Variants in PLD1 observed in about 807,000 individuals in gnomAD.
The protein encoded by PLD1 is phospholipase D1.
A neutral mutation model predicts 137.1 loss-of-function variants in PLD1; 112 were observed. The observed-to-expected ratio is 0.82, with a 90% CI of 0.70 to 0.96. The LOEUF is 0.96. Ranked by LOEUF, PLD1 falls within the 40% of genes least tolerant of loss-of-function variation. The probability of loss-of-function intolerance (pLI) is 0.00; values close to 1 mark genes in which losing one functional copy is unlikely to be tolerated. For synonymous variants in PLD1, 431 were observed against 454.7 expected, an observed-to-expected ratio of 0.95 and a Z score of 0.66; for missense variants, 1,321 against 1,342.0, an observed-to-expected ratio of 0.98 and a Z score of 0.24.
intron 18 of PLD1, among the ~76,000 whole-genome samples, chr3:171,676,278 C>T (rs1365113681): frequency 6.6e-6 from 1 of 152,178 alleles, no homozygotes; most frequent in Non-Finnish European, 1.5e-5. Flanking sequence ...AGAACCAGCT[C>T]TCAGAATCCT....
chr3:171,640,957 T>C (rs959602742), intron 23 of PLD1, among the ~76,000 whole-genome samples: 4 of 152,218 alleles, frequency 2.6e-5, no homozygotes, highest in Non-Finnish European at 5.9e-5. Flanking sequence ...ACCAGGTTTT[T>C]TAAAAAGTCT....
intron 21 of PLD1, among the ~76,000 whole-genome samples, chr3:171,646,515 G>A (rs3774041): frequency 0.51 from 77,139 of 151,800 alleles, 20,616 homozygotes; most frequent in African/African-American, 0.68. Flanking sequence ...CAAGGATCTT[G>A]AGTAGGTTGT....
chr3:171,664,125 T>C (rs1465671191), intron 19 of PLD1, among the ~76,000 whole-genome samples: 1 of 152,150 alleles, frequency 6.6e-6, no homozygotes, highest in East Asian at 1.9e-4. Flanking sequence ...TTTCAAAATT[T>C]AATTGTCAAC....
At chr3:171,603,363 T>C in intron 26 of PLD1, 61 bp from the exon 27 acceptor site, 1 of 1,121,182 alleles carries the variant, frequency 8.9e-7, no homozygotes, top group South Asian at 1.3e-5. Context: ...ATGGCCTTTA[T>C]GGAAAATAAT....
chr3:171,604,373 C>T (rs971680394), intron 26 of PLD1, among the ~76,000 whole-genome samples: 5 of 148,394 alleles, frequency 3.4e-5, no homozygotes, highest in African/African-American at 9.9e-5. Context: ...AGACAGTAGA[C>T]ATGTTTCATT....
intron 23 of PLD1, among the ~76,000 whole-genome samples, chr3:171,628,317 G>C (rs1022362625): frequency 6.6e-6 from 1 of 152,202 alleles, no homozygotes; most frequent in Non-Finnish European, 1.5e-5. Flanking sequence ...CCAGGAAGAA[G>C]TTGAATCTCT....
chr3:171,767,484 A>G (rs1011595318), intron 1 of PLD1, among the ~76,000 whole-genome samples: 51 of 152,362 alleles, frequency 3.3e-4, no homozygotes, highest in African/African-American at 1.2e-3. Context: ...TTGTTTCTCA[A>G]TAATAAGTAC....
intron 21 of PLD1, among the ~76,000 whole-genome samples, chr3:171,650,651 C>T (rs1736654088): frequency 6.6e-6 from 1 of 152,180 alleles, no homozygotes; most frequent in Admixed American, 6.5e-5. Context: ...ACTAAAACCC[C>T]TCCTATTGTG....
chr3:171,765,361 A>G (rs1236701409), intron 1 of PLD1: 5 of 152,218 alleles, frequency 3.3e-5, no homozygotes, highest in African/African-American at 9.6e-5. Context: ...AAATGTTCCA[A>G]CAACAATGAT....
intron 18 of PLD1, 149 bp downstream of exon 18, chr3:171,676,566 C>T (rs1031042870): frequency 4.5e-6 from 3 of 672,472 alleles, no homozygotes; most frequent in Non-Finnish European, 8.0e-6. Flanking sequence ...GATGCCCAGG[C>T]ACCCGGACAT....
At chr3:171,746,593 A>G (rs962243874) in intron 1 of PLD1, among the ~76,000 whole-genome samples, 1 of 152,068 alleles carries the variant, frequency 6.6e-6, no homozygotes, top group Admixed American at 6.5e-5. Flanking sequence ...AGGTTTGTAA[A>G]TACACCAGTC....
At chr3:171,630,139 T>A (rs1363390057) in intron 23 of PLD1, among the ~76,000 whole-genome samples, 1,802 of 149,628 alleles carry the variant, frequency 0.012, 30 homozygotes, top group African/African-American at 0.039. Context: ...ATATCCAGAA[T>A]CTACAATGAA....
intron 1 of PLD1, chr3:171,792,551 A>G (rs769975665): frequency 8.8e-6 from 4 of 456,370 alleles, no homozygotes; most frequent in Admixed American, 2.4e-5. Context: ...GGGACAAACC[A>G]GGAGAAGGAA....
At chr3:171,724,630 T>C in intron 8 of PLD1, 66 bp downstream of exon 8, 1 of 891,622 alleles carries the variant, frequency 1.1e-6, no homozygotes, top group Non-Finnish European at 1.9e-6. Context: ...AAAACTGGTA[T>C]GTAAAACTAG....
At chr3:171,641,255 T>C (rs1735716528) in intron 23 of PLD1, among the ~76,000 whole-genome samples, 1 of 152,244 alleles carries the variant, frequency 6.6e-6, no homozygotes. Flanking sequence ...TCAGCTGTTT[T>C]TCTTGATTAA....
In PLD1 at chr3:171,677,604, AC is replaced by A; in HGVS notation, c.1957del (p.Val653SerfsTer55). On this transcript the variant is annotated frameshift_variant, in exon 17 of 27. Coordinates refer to ENST00000351298, the MANE Select transcript of PLD1 (RefSeq NM_002662.5). LOFTEE classifies it high-confidence loss of function. The part of the protein sequence containing the change: ...FWHGKDYCNF[V>X]FKDWVQLDKP... The stretch of plus-strand genomic sequence containing the variant: ...ATCAAGTTGAACCCAGTCTTTGAAG[AC>A]GAAATTGCAGTAGTCCTTTCCATGC... 2 of 1,614,100 alleles carry A rather than the reference AC, an allele frequency of 1.2e-6. No individual in the cohort carries two copies. The highest frequency in any genetic ancestry group is 8.5e-7 in the Non-Finnish European group (1 of 1,179,938).
At position 171,734,929 on chromosome 3, in the gene PLD1, T is replaced by C. The variant is rs1719237551; in HGVS notation, c.476A>G (p.Glu159Gly). 6.2e-7 allele frequency: 1 copy of C among 1,613,578 alleles called. No homozygotes were observed. The highest frequency in any genetic ancestry group is 1.3e-5 in the African/African-American group (1 of 75,032). The change falls in exon 5 of 27, where the codon GAG (glutamate) becomes GGG (glycine). Residue 159 changes from glutamate (E) to glycine (G), a missense_variant. Transcript: ENST00000351298. Reference sequence around the variant, plus strand: ...AGATGAACGGGGCAAACTGGGCATCTCTCGAGGCTCCTCTCTGACGTTTTG... The same window carrying C: ...AGATGAACGGGGCAAACTGGGCATCCCTCGAGGCTCCTCTCTGACGTTTTG... The part of the protein sequence containing the change: ...RRQNVREEPR[E>G]MPSLPRSSEN...
intron 15 of PLD1, among the ~76,000 whole-genome samples, chr3:171,687,026 G>A (rs187111916): frequency 6.6e-6 from 1 of 152,284 alleles, no homozygotes; most frequent in East Asian, 1.9e-4. Context: ...TTCTGGATAG[G>A]AAGATAAATG....
At chr3:171,753,631 T>C (rs945839009) in intron 1 of PLD1, among the ~76,000 whole-genome samples, 1 of 152,152 alleles carries the variant, frequency 6.6e-6, no homozygotes, top group African/African-American at 2.4e-5. Flanking sequence ...ATTTGTGATT[T>C]TGACTCCTTT....
Sources: allele counts gnomAD v4.1 joint callset (sites outside exome capture counted in the v4.1 genomes callset), GRCh38; gene constraint gnomAD v4.1.1; transcripts MANE v1.5; gene names NCBI Gene and HGNC (gene_info 2026-07-23, HGNC 2026-07-21).